Variants in SOX6 observed in about 807,000 individuals in gnomAD.
SOX6 encodes the protein SRY-box transcription factor 6.
A neutral mutation model predicts 97.8 loss-of-function variants in SOX6; 11 were observed. The ratio of observed to expected loss-of-function variants is 0.11; its 90% CI spans 0.07 to 0.19. The LOEUF (loss-of-function observed/expected upper bound fraction) is 0.19, where lower values mean the gene tolerates loss of function less well. Among genes scored for constraint, SOX6 ranks in the 10% least tolerant of loss-of-function variants. SOX6 has a pLI of 1.00. For synonymous variants in SOX6, 360 were observed against 371.4 expected, an observed-to-expected ratio of 0.97 and a Z score of 0.35; for missense variants, 810 against 1,039.5, an observed-to-expected ratio of 0.78 and a Z score of 3.04.
chr11:16,130,822 C>A (rs999293340), intron 6 of SOX6, among the ~76,000 whole-genome samples: 2 of 151,842 alleles, frequency 1.3e-5, no homozygotes, highest in African/African-American at 4.8e-5. Context: ...AGATCCACAC[C>A]TATTTGGTCA....
intron 13 of SOX6, among the ~76,000 whole-genome samples, chr11:15,992,580 T>C (rs755418516): frequency 3.1e-4 from 47 of 152,280 alleles, no homozygotes; most frequent in Middle Eastern, 6.8e-3. Context: ...AAACCAAATT[T>C]GCATATAAAA....
At chr11:16,305,301 T>C (rs1230227766) in intron 3 of SOX6, among the ~76,000 whole-genome samples, 1 of 152,146 alleles carries the variant, frequency 6.6e-6, no homozygotes, top group East Asian at 1.9e-4. Context: ...CAAACAAACG[T>C]GTGAAATAAT....
intron 3 of SOX6, among the ~76,000 whole-genome samples, chr11:16,260,478 A>C (rs1007157272): frequency 6.6e-6 from 1 of 152,182 alleles, no homozygotes; most frequent in Non-Finnish European, 1.5e-5. Context: ...AGATCAACAC[A>C]ACTATTGCCT....
intron 6 of SOX6, among the ~76,000 whole-genome samples, chr11:16,160,106 C>T (rs549583203): frequency 6.6e-6 from 1 of 152,166 alleles, no homozygotes; most frequent in African/African-American, 2.4e-5. Flanking sequence ...CTAAAAGCTA[C>T]AAGATAGGTT....
intron 3 of SOX6, among the ~76,000 whole-genome samples, chr11:16,703,886 A>C (rs1848112432): frequency 6.6e-6 from 1 of 152,196 alleles, no homozygotes. Context: ...TGTAGAATGA[A>C]TGAATAAAGC....
At chr11:16,642,096 G>A (rs1848925559) in intron 3 of SOX6, among the ~76,000 whole-genome samples, 1 of 152,164 alleles carries the variant, frequency 6.6e-6, no homozygotes, top group African/African-American at 2.4e-5. Flanking sequence ...TTTTAGGGCA[G>A]GCCTGGTGGT....
At chr11:16,100,516 C>T (rs573020710) in intron 7 of SOX6, among the ~76,000 whole-genome samples, 1 of 151,844 alleles carries the variant, frequency 6.6e-6, no homozygotes, top group Non-Finnish European at 1.5e-5. Flanking sequence ...ATTTGCTTGA[C>T]ATTAGTTTCA....
chr11:16,721,614 CCTCCCT>C (rs565689302), intron 2 of SOX6, among the ~76,000 whole-genome samples: 3,671 of 36,640 alleles, frequency 0.1, 500 homozygotes, highest in Admixed American at 0.16. Flanking sequence ...TCCCTCCCTC[CCTCCCT>C]CTCTCTCTCT....
At chr11:16,347,985 A>C (rs1856815494) in intron 1 of SOX6, among the ~76,000 whole-genome samples, 1 of 151,910 alleles carries the variant, frequency 6.6e-6, no homozygotes, top group Non-Finnish European at 1.5e-5. Flanking sequence ...GTTCCTATTC[A>C]AAGACAGACA....
intron 9 of SOX6, among the ~76,000 whole-genome samples, chr11:16,064,590 A>G (rs925947324): frequency 1.1e-4 from 16 of 151,572 alleles, no homozygotes; most frequent in African/African-American, 3.9e-4. Context: ...ATTACCTCTG[A>G]TGAATATTGA....
At chr11:16,676,241 C>A (rs1349009046) in intron 3 of SOX6, among the ~76,000 whole-genome samples, 1 of 152,188 alleles carries the variant, frequency 6.6e-6, no homozygotes, top group Non-Finnish European at 1.5e-5. Context: ...ACCATAATTT[C>A]TCTTTGGTTC....
chr11:16,308,709 C>T (rs546832088), intron 3 of SOX6, among the ~76,000 whole-genome samples: 1 of 152,136 alleles, frequency 6.6e-6, no homozygotes, highest in Non-Finnish European at 1.5e-5. Context: ...AGATGAGGAA[C>T]TACTCTAATT....
At chr11:16,389,487 T>C (rs2134422772) in intron 1 of SOX6, among the ~76,000 whole-genome samples, 1 of 152,314 alleles carries the variant, frequency 6.6e-6, no homozygotes, top group East Asian at 1.9e-4. Context: ...ATTTCAGATA[T>C]CGTTTTTTTA....
At chr11:16,438,822 T>C (rs1437932017) in intron 1 of SOX6, among the ~76,000 whole-genome samples, 1 of 149,862 alleles carries the variant, frequency 6.7e-6, no homozygotes, top group Non-Finnish European at 1.5e-5. Flanking sequence ...AGTCCCTAGG[T>C]CTAAAAAGAG....
intron 3 of SOX6, among the ~76,000 whole-genome samples, chr11:16,302,446 T>C (rs61883179): frequency 0.15 from 22,954 of 152,110 alleles, 1,908 homozygotes; most frequent in Middle Eastern, 0.2. Context: ...ATTATATCTC[T>C]TGTTCACTAT....
At chr11:16,527,317 C>T (rs970451430) in intron 4 of SOX6, among the ~76,000 whole-genome samples, 3 of 151,940 alleles carry the variant, frequency 2.0e-5, no homozygotes, top group African/African-American at 7.3e-5. Flanking sequence ...TTTTTTGTTG[C>T]AACCCTCAGC....
At chr11:16,364,945 A>G (rs1482079066) in intron 1 of SOX6, among the ~76,000 whole-genome samples, 1 of 152,142 alleles carries the variant, frequency 6.6e-6, no homozygotes, top group Non-Finnish European at 1.5e-5. Context: ...TATTATAAAG[A>G]ACAAGTAACA....
In SOX6 at chr11:16,073,223, TA is replaced by T. The variant is rs1185112864; in HGVS notation, c.1102-17323del. Among the ~76,000 whole-genome samples the T allele has an allele frequency of 5.3e-5, 8 of 151,824 alleles. No homozygotes were observed. In the East Asian group the frequency reaches 1.6e-3, roughly 30 times the overall value. ...CTCATCTCACATTCAGTGACACCCATAGGCTAAAGGTAAAGAGATGGAGAAA... is the reference window on the plus strand; with the variant it reads ...CTCATCTCACATTCAGTGACACCCATGGCTAAAGGTAAAGAGATGGAGAAA... On this transcript the variant is annotated intron_variant, in intron 9 of 15. Coordinates refer to ENST00000683767, the MANE Select transcript of SOX6 (RefSeq NM_001367873.1).
rs114282816 is a variant in SOX6 at position 16,369,820 on chromosome 11, G to A, written c.-4-28568C>T. On this transcript the variant is annotated intron_variant, in intron 1 of 15. Transcript: ENST00000396356. ...CGATATTTCCCAGACTTCATTGCCAGCTGGCTTCCTGTCAGGTTCTGCCAA... is the reference window on the plus strand; with the variant it reads ...CGATATTTCCCAGACTTCATTGCCAACTGGCTTCCTGTCAGGTTCTGCCAA... 2.6e-3 allele frequency among the ~76,000 whole-genome samples: 401 copies of A among 152,276 alleles called. 3 individuals carry two copies. Among genetic ancestry groups the A allele is most frequent in the African/African-American group, 9.1e-3 (379 of 41,570 alleles).
Sources: allele counts gnomAD v4.1 joint callset (sites outside exome capture counted in the v4.1 genomes callset), GRCh38; gene constraint gnomAD v4.1.1; transcripts MANE v1.5; gene names NCBI Gene and HGNC (gene_info 2026-07-23, HGNC 2026-07-21).